REEP1: variants seen among roughly 807,000 people sequenced by gnomAD.
REEP1 encodes receptor accessory protein 1.
A neutral mutation model predicts 40.3 loss-of-function variants in REEP1; 22 were observed. That is an observed-to-expected ratio of 0.55 (90% CI 0.39 to 0.78). The LOEUF (loss-of-function observed/expected upper bound fraction) is 0.78. Ranked by LOEUF, REEP1 falls within the 30% of genes least tolerant of loss-of-function variation. The probability of loss-of-function intolerance (pLI) is 0.00; values close to 1 mark genes in which losing one functional copy is unlikely to be tolerated. For missense variants in REEP1, 280 were observed against 361.1 expected (o/e 0.78, Z 1.82); for synonymous variants, 116 against 139.2 (o/e 0.83, Z 1.17).
intron 8 of REEP1, 29 bp from the exon 9 acceptor site, chr2:86,217,139 C>T (rs1371281382): frequency 1.3e-6 from 2 of 1,593,062 alleles, no homozygotes; most frequent in Non-Finnish European, 1.7e-6. Context: ...AGGTGTCCCT[C>T]AGTTTGGTGT....
intron 7 of REEP1, among the ~76,000 whole-genome samples, chr2:86,222,432 T>C (rs2103976371): frequency 6.6e-6 from 1 of 152,274 alleles, no homozygotes; most frequent in South Asian, 2.1e-4. Flanking sequence ...AGATAAGACA[T>C]CTCCTAGTCA....
At chr2:86,265,601 T>C (rs576628467) in intron 2 of REEP1, among the ~76,000 whole-genome samples, 1 of 152,242 alleles carries the variant, frequency 6.6e-6, no homozygotes, top group African/African-American at 2.4e-5. Context: ...AATGGAATAC[T>C]ACCCAACCAT....
chr2:86,289,706 C>T (rs574453030), intron 1 of REEP1, among the ~76,000 whole-genome samples: 1 of 152,070 alleles, frequency 6.6e-6, no homozygotes, highest in Non-Finnish European at 1.5e-5. Context: ...TCTTTAATGT[C>T]TTTTTATTAT....
intron 1 of REEP1, among the ~76,000 whole-genome samples, chr2:86,331,860 G>A (rs1365155879): frequency 6.6e-6 from 1 of 152,142 alleles, no homozygotes; most frequent in African/African-American, 2.4e-5. Flanking sequence ...CCTGCATAAA[G>A]CACTCTTGGG....
At chr2:86,246,123 T>C (rs997799062) in intron 5 of REEP1, among the ~76,000 whole-genome samples, 1 of 152,226 alleles carries the variant, frequency 6.6e-6, no homozygotes, top group Non-Finnish European at 1.5e-5. Context: ...GTGGATACCA[T>C]ATTAGACAGG....
chr2:86,242,889 G>A (rs1484618604), intron 5 of REEP1, among the ~76,000 whole-genome samples: 1 of 152,192 alleles, frequency 6.6e-6, no homozygotes, highest in African/African-American at 2.4e-5. Context: ...TAAGTGGGAG[G>A]AAGGTGGGGC....
intron 5 of REEP1, among the ~76,000 whole-genome samples, chr2:86,245,876 T>C (rs780436602): frequency 2.5e-4 from 38 of 151,932 alleles, no homozygotes; most frequent in Admixed American, 5.9e-4. Flanking sequence ...GCCATTCTCC[T>C]GCCTCAGCCT....
chr2:86,295,930 G>A (rs1678959824), intron 1 of REEP1, among the ~76,000 whole-genome samples: 1 of 152,204 alleles, frequency 6.6e-6, no homozygotes, highest in Non-Finnish European at 1.5e-5. Context: ...TGCTTTTGCA[G>A]ATCTGAAGAG....
chr2:86,306,276 C>T (rs1006814331), intron 1 of REEP1, among the ~76,000 whole-genome samples: 7 of 152,022 alleles, frequency 4.6e-5, no homozygotes, highest in African/African-American at 7.3e-5. Flanking sequence ...TCCTCATTCT[C>T]TCTTAACCCT....
chr2:86,221,935 A>G (rs577751894), intron 7 of REEP1, among the ~76,000 whole-genome samples: 65 of 152,122 alleles, frequency 4.3e-4, no homozygotes, highest in African/African-American at 1.5e-3. Flanking sequence ...GGCCAGCTCC[A>G]CCCCAGCAGC....
intron 3 of REEP1, among the ~76,000 whole-genome samples, chr2:86,259,104 G>A (rs1016455867): frequency 1.3e-5 from 2 of 151,962 alleles, no homozygotes; most frequent in African/African-American, 2.4e-5. Context: ...TCAGGAGATC[G>A]AGACCATCCT....
intron 2 of REEP1, among the ~76,000 whole-genome samples, chr2:86,281,376 T>A (rs1273072864): frequency 1.3e-5 from 2 of 152,172 alleles, no homozygotes; most frequent in Non-Finnish European, 2.9e-5. Context: ...ACGCCTATAA[T>A]CCCCGCTTTT....
intron 3 of REEP1, 52 bp from the exon 4 acceptor site, chr2:86,254,866 C>T: frequency 3.1e-6 from 5 of 1,604,244 alleles, no homozygotes; most frequent in Non-Finnish European, 4.3e-6. Context: ...GCAACACTGC[C>T]CTTTTGAAGG....
intron 1 of REEP1, among the ~76,000 whole-genome samples, chr2:86,288,448 C>T (rs1486965604): frequency 6.6e-6 from 1 of 152,200 alleles, no homozygotes; most frequent in African/African-American, 2.4e-5. Flanking sequence ...GTGCCACCTG[C>T]ATCCAGTTTT....
chr2:86,337,393 G>T lies in REEP1; in HGVS notation c.32+86C>A. 2 of 915,048 alleles carry T rather than the reference G, an allele frequency of 2.2e-6. No homozygotes were observed. Among genetic ancestry groups the T allele is most frequent in the Non-Finnish European group, 2.8e-6 (2 of 709,762 alleles). 56.7% of individuals were successfully genotyped at this position (915,048 alleles called of 1,614,324 possible). A position where few individuals can be genotyped will look rare whatever the true frequency, so the allele number is the denominator to read the frequency against. The stretch of plus-strand genomic sequence containing the variant: ...GGGTATTAATAGCCCGAGCCACTGG[G>T]ACCGGGCGCTGTAGGGGCGCGCGCA... On this transcript the variant is annotated intron_variant, in intron 1 of 8. Transcript: ENST00000538924. This position sits in a 1 kb window ranked among gnomAD's most constrained non-coding sequence, Gnocchi z 5.8.
At chr2:86,314,325 T>C (rs2104494445) in intron 1 of REEP1, among the ~76,000 whole-genome samples, 1 of 152,214 alleles carries the variant, frequency 6.6e-6, no homozygotes, top group Non-Finnish European at 1.5e-5. Flanking sequence ...ACCTGGAGTC[T>C]CATTAAACTG....
intron 3 of REEP1, chr2:86,255,125 G>T: frequency 3.3e-6 from 1 of 306,208 alleles, no homozygotes; most frequent in Non-Finnish European, 6.2e-6. Context: ...CTGCTGGGCT[G>T]TGCTCATTTA....
At chr2:86,297,050 A>G (rs1679019471) in intron 1 of REEP1, among the ~76,000 whole-genome samples, 1 of 152,180 alleles carries the variant, frequency 6.6e-6, no homozygotes, top group Non-Finnish European at 1.5e-5. Flanking sequence ...CACGTCAGGC[A>G]TGCAGACCCA....
intron 7 of REEP1, among the ~76,000 whole-genome samples, chr2:86,222,559 T>C (rs1182075338): frequency 6.6e-6 from 1 of 152,240 alleles, no homozygotes; most frequent in Non-Finnish European, 1.5e-5. Flanking sequence ...AGCTGGCTGT[T>C]GCACAGTGGA....
Sources: allele counts gnomAD v4.1 joint callset (sites outside exome capture counted in the v4.1 genomes callset), GRCh38; gene constraint gnomAD v4.1.1; non-coding constraint Gnocchi (gnomAD v3.1); transcripts MANE v1.5; gene names NCBI Gene and HGNC (gene_info 2026-07-23, HGNC 2026-07-21).